Variants in PDGFD observed in about 807,000 individuals in gnomAD.
PDGFD encodes platelet derived growth factor D, also known as platelet-derived growth factor D.
In PDGFD, 30 loss-of-function variants were observed where a neutral mutation model predicts 44.7. The ratio of observed to expected loss-of-function variants is 0.67; its 90% CI spans 0.50 to 0.91. PDGFD has a LOEUF of 0.91. Among genes scored for constraint, PDGFD ranks in the 40% least tolerant of loss-of-function variants. The pLI is 0.00. For missense variants in PDGFD, 445 were observed against 457.8 expected (o/e 0.97, Z 0.25); for synonymous variants, 173 against 168.4 (o/e 1.03, Z -0.21).
At chr11:104,071,008 G>T (rs1349849614) in intron 1 of PDGFD, among the ~76,000 whole-genome samples, 2 of 152,058 alleles carry the variant, frequency 1.3e-5, no homozygotes, top group East Asian at 3.9e-4. Flanking sequence ...ATTTCTACCA[G>T]CAATGCATGA....
intron 1 of PDGFD, among the ~76,000 whole-genome samples, chr11:104,001,369 C>T (rs753059527): frequency 6.6e-6 from 1 of 152,164 alleles, no homozygotes; most frequent in Admixed American, 6.5e-5. Context: ...TTAGCTGGTC[C>T]TAATTTATAT....
At chr11:104,028,012 A>G (rs2134079) in intron 1 of PDGFD, among the ~76,000 whole-genome samples, 43,770 of 151,676 alleles carry the variant, frequency 0.29, 7,950 homozygotes, top group Admixed American at 0.48. Context: ...AACACAGTGA[A>G]ACTCCGTCTC....
intron 1 of PDGFD, among the ~76,000 whole-genome samples, chr11:104,110,314 A>AC: frequency 6.6e-6 from 1 of 152,034 alleles, no homozygotes; most frequent in Non-Finnish European, 1.5e-5. Flanking sequence ...ATTTTTAAAA[A>AC]TTAAATTAAA....
chr11:104,105,355 A>G (rs1565336356), intron 1 of PDGFD, among the ~76,000 whole-genome samples: 1 of 152,186 alleles, frequency 6.6e-6, no homozygotes, highest in African/African-American at 2.4e-5. Context: ...CTCAAATTAC[A>G]TGAACTAACC....
intron 1 of PDGFD, among the ~76,000 whole-genome samples, chr11:104,118,627 T>C (rs1024980526): frequency 3.4e-5 from 5 of 149,030 alleles, no homozygotes; most frequent in Non-Finnish European, 5.9e-5. Flanking sequence ...TAAGCAAGTG[T>C]CTAATCATTG....
chr11:104,082,992 C>T (rs552459603), intron 1 of PDGFD, among the ~76,000 whole-genome samples: 2 of 152,256 alleles, frequency 1.3e-5, no homozygotes, highest in East Asian at 3.9e-4. Flanking sequence ...GTACGGTCAC[C>T]ATCTTCCTTA....
chr11:104,147,022 G>A (rs1447274556), intron 1 of PDGFD, among the ~76,000 whole-genome samples: 2 of 146,796 alleles, frequency 1.4e-5, no homozygotes, highest in African/African-American at 2.5e-5. Flanking sequence ...AAAAAAAATA[G>A]TTGTTTTAAA....
chr11:104,122,830 A>G (rs1861795872), intron 1 of PDGFD, among the ~76,000 whole-genome samples: 1 of 152,048 alleles, frequency 6.6e-6, no homozygotes, highest in Non-Finnish European at 1.5e-5. Flanking sequence ...ACTTGTGTTG[A>G]TCCTGATGAC....
At chr11:104,086,509 T>G (rs149325630) in intron 1 of PDGFD, among the ~76,000 whole-genome samples, 1 of 152,332 alleles carries the variant, frequency 6.6e-6, no homozygotes, top group African/African-American at 2.4e-5. Context: ...AAAAACAGAT[T>G]AGCACTAAGT....
intron 1 of PDGFD, among the ~76,000 whole-genome samples, chr11:104,145,074 A>G (rs1862144318): frequency 6.6e-6 from 1 of 152,140 alleles, no homozygotes; most frequent in Non-Finnish European, 1.5e-5. Context: ...ATTCACATTT[A>G]CTTTATAATA....
intron 3 of PDGFD, among the ~76,000 whole-genome samples, chr11:103,948,949 AAAAG>A (rs10690865): frequency 6.9e-6 from 1 of 145,844 alleles, no homozygotes. Flanking sequence ...TTAAAGTAAA[AAAAG>A]AAAGAAAGAA....
intron 3 of PDGFD, among the ~76,000 whole-genome samples, chr11:103,979,767 T>A (rs576209395): frequency 6.6e-6 from 1 of 152,164 alleles, no homozygotes; most frequent in Non-Finnish European, 1.5e-5. Context: ...TTTGCCATTC[T>A]GCCTATAGCT....
intron 1 of PDGFD, among the ~76,000 whole-genome samples, chr11:104,006,396 TC>T (rs1269670968): frequency 1.3e-5 from 2 of 152,216 alleles, no homozygotes; most frequent in African/African-American, 4.8e-5. Context: ...ACTCTGTAAC[TC>T]AAGTCTGGTT....
chr11:104,114,703 A>G (rs1031969275), intron 1 of PDGFD, among the ~76,000 whole-genome samples: 2 of 152,088 alleles, frequency 1.3e-5, no homozygotes, highest in African/African-American at 4.8e-5. Flanking sequence ...TAATATATTG[A>G]CAATATTGAA....
chr11:104,106,258 CA>C (rs1190723465), intron 1 of PDGFD, among the ~76,000 whole-genome samples: 3 of 152,142 alleles, frequency 2.0e-5, no homozygotes, highest in Non-Finnish European at 4.4e-5. Context: ...TATTTGTTTG[CA>C]AAATTCCTCA....
intron 3 of PDGFD, among the ~76,000 whole-genome samples, chr11:103,990,829 C>T (rs565713340): frequency 6.6e-6 from 1 of 152,208 alleles, no homozygotes; most frequent in African/African-American, 2.4e-5. Flanking sequence ...GTCCTTTACT[C>T]TCTAGCTTTG....
intron 1 of PDGFD, among the ~76,000 whole-genome samples, chr11:104,121,295 AT>A (rs1470138632): frequency 1.0e-5 from 1 of 95,982 alleles, no homozygotes. Context: ...AGGGGTACAT[AT>A]TTGGAATTTT....
intron 1 of PDGFD, among the ~76,000 whole-genome samples, chr11:104,114,499 T>C (rs1469835885): frequency 6.6e-6 from 1 of 152,112 alleles, no homozygotes; most frequent in African/African-American, 2.4e-5. Flanking sequence ...TACTATAGTT[T>C]TATAGGTAGT....
In PDGFD at chr11:104,105,597, G is replaced by A. The variant is rs899052961; in HGVS notation, c.124+58207C>T. Reference sequence around the variant, plus strand: ...GTATATGCTTTCATATTTTCCAAACGCTTATTCAGCTTTACGTGACATTTT... The same window carrying A: ...GTATATGCTTTCATATTTTCCAAACACTTATTCAGCTTTACGTGACATTTT... On this transcript the variant is annotated intron_variant, in intron 1 of 6. Coordinates refer to ENST00000393158, the MANE Select transcript of PDGFD (RefSeq NM_025208.5). Among the ~76,000 whole-genome samples, 7 of 151,838 alleles carry A rather than the reference G, an allele frequency of 4.6e-5. No homozygotes were observed. In the East Asian group the frequency reaches 9.7e-4, roughly 21 times the overall value.
Sources: gnomAD v4.1 joint callset for allele counts (sites outside exome capture counted in the v4.1 genomes callset) on GRCh38, gnomAD v4.1.1 for gene constraint, MANE v1.5 for transcripts, NCBI Gene and HGNC (gene_info 2026-07-23, HGNC 2026-07-21) for gene names.